CDH13: variants seen among roughly 807,000 people sequenced by gnomAD.
CDH13 encodes cadherin 13.
Under a neutral mutation model 63.8 loss-of-function variants are expected in CDH13, and 24 were observed. The ratio of observed to expected loss-of-function variants is 0.38; its 90% confidence interval spans 0.27 to 0.53. The LOEUF (loss-of-function observed/expected upper bound fraction) is 0.53, where lower values mean the gene tolerates loss of function less well. Ranked by LOEUF, CDH13 falls within the 20% of genes least tolerant of loss-of-function variation. The probability of loss-of-function intolerance (pLI) is 0.85; values close to 1 mark genes in which losing one functional copy is unlikely to be tolerated. For synonymous variants in CDH13, 503 were observed against 355.3 expected (o/e 1.42, Z -4.67); for missense variants, 1,049 against 903.1 (o/e 1.16, Z -2.07).
intron 8 of CDH13, among the ~76,000 whole-genome samples, chr16:83,618,687 T>C (rs1909520959): frequency 6.6e-6 from 1 of 152,030 alleles, no homozygotes; most frequent in African/African-American, 2.4e-5. Flanking sequence ...AGTGAATAAA[T>C]GAATCTACAT....
chr16:83,098,472 T>C (rs1002209768), intron 3 of CDH13, among the ~76,000 whole-genome samples: 2 of 152,146 alleles, frequency 1.3e-5, no homozygotes, highest in Non-Finnish European at 2.9e-5. Context: ...TAGATTCATA[T>C]ATCCATCCAA....
intron 2 of CDH13, among the ~76,000 whole-genome samples, chr16:82,983,022 C>A (rs1407968349): frequency 6.6e-6 from 1 of 152,136 alleles, no homozygotes; most frequent in Non-Finnish European, 1.5e-5. Context: ...TGACATGTGA[C>A]CCCAGATGCT....
chr16:83,508,716 T>C (rs1228983674), intron 7 of CDH13, among the ~76,000 whole-genome samples: 2 of 152,216 alleles, frequency 1.3e-5, no homozygotes, highest in Non-Finnish European at 2.9e-5. Context: ...TTGACTCTTT[T>C]ACATATTCTG....
At chr16:82,654,524 C>G (rs1477143664) in intron 1 of CDH13, among the ~76,000 whole-genome samples, 1 of 152,162 alleles carries the variant, frequency 6.6e-6, no homozygotes, top group Non-Finnish European at 1.5e-5. Flanking sequence ...TATTCTTAAA[C>G]CTAATAATGG....
At position 83,524,694 on chromosome 16, in the gene CDH13, C is replaced by T. The variant is rs372262456; in HGVS notation, c.960+38039C>T. Among the ~76,000 whole-genome samples, 8 of 151,900 alleles carry T rather than the reference C, an allele frequency of 5.3e-5. No individual in the cohort carries two copies. In the East Asian group the frequency reaches 9.7e-4, roughly 18 times the overall value. On this transcript the variant is annotated intron_variant, in intron 7 of 13. Transcript: ENST00000567109. Reference sequence around the variant, plus strand: ...GTCTCGATCTCCTGACCTGGTGATCCGCCCGCCTCGGCCTTCCAAAGTGCT... The same window carrying T: ...GTCTCGATCTCCTGACCTGGTGATCTGCCCGCCTCGGCCTTCCAAAGTGCT...
chr16:82,948,685 T>G (rs765380998), intron 2 of CDH13, among the ~76,000 whole-genome samples: 1 of 152,238 alleles, frequency 6.6e-6, no homozygotes, highest in African/African-American at 2.4e-5. Context: ...TTTCAAAATG[T>G]TGTCTAGAAT....
At chr16:83,312,059 T>G (rs1456760074) in intron 5 of CDH13, among the ~76,000 whole-genome samples, 1 of 55,594 alleles carries the variant, frequency 1.8e-5, no homozygotes, top group Non-Finnish European at 3.4e-5. Context: ...GCAATAAAAC[T>G]CCATCTCAAA....
intron 1 of CDH13, among the ~76,000 whole-genome samples, chr16:82,770,838 G>T (rs1402124561): frequency 6.6e-6 from 1 of 152,096 alleles, no homozygotes; most frequent in Non-Finnish European, 1.5e-5. Context: ...CTCCCGAGTA[G>T]CTGGGACTAA....
At chr16:83,218,972 A>G (rs1438837695) in intron 5 of CDH13, among the ~76,000 whole-genome samples, 1 of 152,140 alleles carries the variant, frequency 6.6e-6, no homozygotes, top group Non-Finnish European at 1.5e-5. Context: ...ATCTTCTGCC[A>G]TGATTGTGAG....
intron 10 of CDH13, among the ~76,000 whole-genome samples, chr16:83,724,821 A>C (rs1163126159): frequency 6.6e-6 from 1 of 152,182 alleles, no homozygotes; most frequent in Non-Finnish European, 1.5e-5. Flanking sequence ...GCTATATTGT[A>C]ACCTGCAGCC....
chr16:83,291,380 C>G (rs1336945703), intron 5 of CDH13, among the ~76,000 whole-genome samples: 2 of 151,984 alleles, frequency 1.3e-5, no homozygotes, highest in Non-Finnish European at 2.9e-5. Context: ...GCTTTGTACC[C>G]CACCTCACTC....
intron 10 of CDH13, among the ~76,000 whole-genome samples, chr16:83,689,977 G>C (rs559806515): frequency 6.6e-6 from 1 of 152,170 alleles, no homozygotes; most frequent in Non-Finnish European, 1.5e-5. Flanking sequence ...CCTGAGGTCA[G>C]GAATTTGAGA....
At chr16:83,593,992 C>G (rs562146055) in intron 7 of CDH13, among the ~76,000 whole-genome samples, 1 of 152,306 alleles carries the variant, frequency 6.6e-6, no homozygotes, top group Admixed American at 6.5e-5. Flanking sequence ...TTTCCCTGCT[C>G]AGGAATCTGG....
intron 10 of CDH13, among the ~76,000 whole-genome samples, chr16:83,743,027 G>A (rs1422734444): frequency 1.3e-5 from 2 of 152,164 alleles, no homozygotes; most frequent in Non-Finnish European, 2.9e-5. Context: ...GGCCAACTTG[G>A]TGAAACCCCG....
intron 5 of CDH13, among the ~76,000 whole-genome samples, chr16:83,303,367 A>G (rs1404049758): frequency 3.3e-5 from 5 of 152,190 alleles, no homozygotes; most frequent in Non-Finnish European, 7.3e-5. Flanking sequence ...TCATTGGGGA[A>G]TGAGAGATTG....
intron 6 of CDH13, among the ~76,000 whole-genome samples, chr16:83,417,503 G>A (rs1334610827): frequency 6.6e-6 from 1 of 152,056 alleles, no homozygotes; most frequent in Non-Finnish European, 1.5e-5. Context: ...TTGCCTTCTT[G>A]CCTTTCCAAT....
chr16:82,641,298 G>A (rs1417008156), intron 1 of CDH13, among the ~76,000 whole-genome samples: 2 of 152,314 alleles, frequency 1.3e-5, no homozygotes, highest in East Asian at 1.9e-4. Context: ...GACTTTGGAA[G>A]CATCATAGCA....
At chr16:83,275,289 T>A (rs748207580) in intron 5 of CDH13, among the ~76,000 whole-genome samples, 1 of 152,174 alleles carries the variant, frequency 6.6e-6, no homozygotes, top group African/African-American at 2.4e-5. Context: ...TTCCTTTTGA[T>A]TAGATGACAC....
At chr16:83,032,271 C>G (rs1015641693) in intron 3 of CDH13, 53 bp downstream of exon 3, 4 of 1,411,100 alleles carry the variant, frequency 2.8e-6, no homozygotes, top group East Asian at 2.3e-5. Context: ...TAGGTTCTGT[C>G]TGTCTTATGT....
Sources: gnomAD v4.1 joint callset for allele counts (sites outside exome capture counted in the v4.1 genomes callset) on GRCh38, gnomAD v4.1.1 for gene constraint, MANE v1.5 for transcripts, NCBI Gene and HGNC (gene_info 2026-07-23, HGNC 2026-07-21) for gene names.